KSR1: variants seen among roughly 807,000 people sequenced by gnomAD.
KSR1 encodes the protein kinase suppressor of ras 1, also known as kinase suppressor of ras.
In KSR1, 35 loss-of-function variants were observed where a neutral mutation model predicts 92.9. The ratio of observed to expected loss-of-function variants is 0.38; its 90% CI spans 0.29 to 0.50. The LOEUF is 0.50. KSR1 is among the 20% of genes least tolerant of loss of function. The probability of loss-of-function intolerance (pLI) is 0.94; values close to 1 mark genes in which losing one functional copy is unlikely to be tolerated. For missense variants in KSR1, 972 were observed against 1,158.5 expected, an observed-to-expected ratio of 0.84 and a Z score of 2.34; for synonymous variants, 467 against 472.6, an observed-to-expected ratio of 0.99 and a Z score of 0.15.
chr17:27,469,502 T>C (rs2019866216), intron 1 of KSR1, among the ~76,000 whole-genome samples: 1 of 152,188 alleles, frequency 6.6e-6, no homozygotes, highest in Non-Finnish European at 1.5e-5. Flanking sequence ...GGGGTGAGGA[T>C]GACATATTCG....
chr17:27,604,799 G>C, intron 13 of KSR1, 71 bp downstream of exon 13: 1 of 1,480,916 alleles, frequency 6.8e-7, no homozygotes, highest in Non-Finnish European at 9.4e-7. Flanking sequence ...AGAATGCGCA[G>C]GGGGCTTGAG....
intron 1 of KSR1, among the ~76,000 whole-genome samples, chr17:27,520,849 A>G (rs1237434500): frequency 6.6e-6 from 1 of 152,252 alleles, no homozygotes; most frequent in Non-Finnish European, 1.5e-5. Flanking sequence ...AGGGGCTGAA[A>G]GCAGGTAGCT....
At chr17:27,475,727 A>G (rs1038743137) in intron 1 of KSR1, among the ~76,000 whole-genome samples, 1 of 152,234 alleles carries the variant, frequency 6.6e-6, no homozygotes, top group African/African-American at 2.4e-5. Flanking sequence ...TGCATTATCC[A>G]TAATACAGAA....
At chr17:27,506,977 A>G (rs552135487) in intron 1 of KSR1, among the ~76,000 whole-genome samples, 1 of 152,316 alleles carries the variant, frequency 6.6e-6, no homozygotes, top group South Asian at 2.1e-4. Flanking sequence ...TGCACTGTCT[A>G]GAACTTTCTG....
At chr17:27,555,513 T>C (rs2071558784) in intron 2 of KSR1, among the ~76,000 whole-genome samples, 1 of 31,212 alleles carries the variant, frequency 3.2e-5, no homozygotes, top group African/African-American at 8.0e-5. Flanking sequence ...TTGTTTGGCG[T>C]GTGTGTGTGT....
intron 15 of KSR1, 110 bp downstream of exon 15, chr17:27,608,120 C>T: frequency 1.4e-6 from 1 of 706,240 alleles, no homozygotes; most frequent in South Asian, 1.7e-5. Flanking sequence ...AGCTTTGCCT[C>T]TCCTTCTAGC....
At chr17:27,526,044 T>TC (rs2070263357) in intron 1 of KSR1, among the ~76,000 whole-genome samples, 1 of 122,878 alleles carries the variant, frequency 8.1e-6, no homozygotes, top group African/African-American at 3.4e-5. Context: ...TTTCTTTTCT[T>TC]TCTCTCTCTC....
intron 19 of KSR1, among the ~76,000 whole-genome samples, chr17:27,618,256 G>A (rs1295798322): frequency 6.6e-6 from 1 of 152,108 alleles, no homozygotes; most frequent in East Asian, 1.9e-4. Flanking sequence ...CTTGGTGCAG[G>A]GGTGATGTCC....
chr17:27,622,250 G>A, intron 20 of KSR1: 2 of 419,116 alleles, frequency 4.8e-6, no homozygotes, highest in Non-Finnish European at 8.7e-6. Context: ...TTCTTCTGAG[G>A]GCTGGTCTTG....
At chr17:27,472,601 G>A (rs1453492147) in intron 1 of KSR1, among the ~76,000 whole-genome samples, 1 of 152,196 alleles carries the variant, frequency 6.6e-6, no homozygotes, top group Non-Finnish European at 1.5e-5. Flanking sequence ...CTGAGGTCAG[G>A]TGACCAGCCT....
chr17:27,516,505 A>C (rs1050871867), intron 1 of KSR1, among the ~76,000 whole-genome samples: 2 of 152,088 alleles, frequency 1.3e-5, no homozygotes, highest in Non-Finnish European at 2.9e-5. Context: ...AGTGCAGAGT[A>C]GAGTCTCCCT....
At chr17:27,578,455 ATC>A (rs2072611428) in intron 3 of KSR1, 1 of 152,178 alleles carries the variant, frequency 6.6e-6, no homozygotes. Context: ...AATTCAGAAA[ATC>A]TTGACCTGCC....
intron 1 of KSR1, among the ~76,000 whole-genome samples, chr17:27,463,054 GA>G (rs1290983207): frequency 6.6e-6 from 1 of 152,218 alleles, no homozygotes; most frequent in Non-Finnish European, 1.5e-5. Context: ...TCCTACAAGT[GA>G]GATTTGCTGG....
At chr17:27,505,402 C>A (rs1335142861) in intron 1 of KSR1, among the ~76,000 whole-genome samples, 1 of 152,238 alleles carries the variant, frequency 6.6e-6, no homozygotes, top group African/African-American at 2.4e-5. Context: ...GGGATTAGTT[C>A]TTCATCCAAG....
intron 1 of KSR1, among the ~76,000 whole-genome samples, chr17:27,511,591 G>A (rs1156752995): frequency 6.6e-6 from 1 of 152,222 alleles, no homozygotes. Flanking sequence ...GGGGCGAGGT[G>A]GGAGTGGGAT....
At chr17:27,590,716 C>A in intron 6 of KSR1, 95 bp from the exon 7 acceptor site, 1 of 1,161,948 alleles carries the variant, frequency 8.6e-7, no homozygotes. Context: ...GGAGCCAAGA[C>A]TCCCAGTTGC....
intron 1 of KSR1, among the ~76,000 whole-genome samples, chr17:27,474,010 C>T (rs1233608244): frequency 6.6e-6 from 1 of 152,186 alleles, no homozygotes; most frequent in Non-Finnish European, 1.5e-5. Flanking sequence ...TGTGTACAGC[C>T]AGCCATGTGG....
At chr17:27,575,319 C>T (rs981051633) in intron 2 of KSR1, among the ~76,000 whole-genome samples, 3 of 152,182 alleles carry the variant, frequency 2.0e-5, no homozygotes, top group Non-Finnish European at 4.4e-5. Context: ...GAACTGAGGG[C>T]CCCTCCCCCT....
chr17:27,551,273 C>G (rs1301885488), intron 2 of KSR1, among the ~76,000 whole-genome samples: 2 of 152,184 alleles, frequency 1.3e-5, no homozygotes, highest in African/African-American at 2.4e-5. Context: ...TACCCACCTG[C>G]CAGCCAGCCA....
Sources: allele counts gnomAD v4.1 joint callset (sites outside exome capture counted in the v4.1 genomes callset), GRCh38; gene constraint gnomAD v4.1.1; transcripts MANE v1.5; gene names NCBI Gene and HGNC (gene_info 2026-07-23, HGNC 2026-07-21).